SCML4: variants seen among roughly 807,000 people sequenced by gnomAD.
SCML4 encodes sex comb on midleg-like protein 4.
In SCML4, 34 loss-of-function variants were observed where a neutral mutation model predicts 41.1. The observed-to-expected ratio is 0.83, with a 90% CI of 0.63 to 1.10. The LOEUF is 1.10. Among genes scored for constraint, SCML4 ranks in the 50% least tolerant of loss-of-function variants. The pLI is 0.00. For missense variants in SCML4, 522 were observed against 534.1 expected (o/e 0.98, Z 0.22); for synonymous variants, 214 against 220.9 (o/e 0.97, Z 0.28).
chr6:107,786,116 C>G (rs144668143), intron 1 of SCML4, among the ~76,000 whole-genome samples: 1 of 152,182 alleles, frequency 6.6e-6, no homozygotes, highest in African/African-American at 2.4e-5. Flanking sequence ...CTAAGAAAGT[C>G]TTCTGGAATA....
chr6:107,767,366 G>C (rs983502130), intron 2 of SCML4, among the ~76,000 whole-genome samples: 1 of 152,174 alleles, frequency 6.6e-6, no homozygotes, highest in African/African-American at 2.4e-5. Flanking sequence ...CATTTAGAAA[G>C]AGGCTTTAAA....
chr6:107,818,863 A>G (rs989889678), intron 1 of SCML4, among the ~76,000 whole-genome samples: 1 of 152,198 alleles, frequency 6.6e-6, no homozygotes, highest in Non-Finnish European at 1.5e-5. Context: ...GGCAGCTCCA[A>G]GTGTTTCATG....
intron 2 of SCML4, 109 bp downstream of exon 2, chr6:107,772,063 T>C: frequency 3.2e-6 from 3 of 925,970 alleles, no homozygotes; most frequent in Non-Finnish European, 4.7e-6. Flanking sequence ...TTTCTCATCC[T>C]GTCTCTACCA....
intron 1 of SCML4, among the ~76,000 whole-genome samples, chr6:107,775,608 T>G (rs561138788): frequency 6.6e-6 from 1 of 152,354 alleles, no homozygotes; most frequent in African/African-American, 2.4e-5. Context: ...AAAATTTTGC[T>G]AATGTCCTTA....
At chr6:107,764,411 G>A (rs747797824) in intron 2 of SCML4, among the ~76,000 whole-genome samples, 1 of 152,228 alleles carries the variant, frequency 6.6e-6, no homozygotes. Context: ...AGAAGGGGAT[G>A]CTTGGAGGTG....
At chr6:107,724,370 T>C (rs1775745276) in intron 5 of SCML4, among the ~76,000 whole-genome samples, 1 of 152,170 alleles carries the variant, frequency 6.6e-6, no homozygotes, top group African/African-American at 2.4e-5. Context: ...CAACTATCTC[T>C]TATGTGTACG....
At chr6:107,775,768 C>T (rs989271247) in intron 1 of SCML4, among the ~76,000 whole-genome samples, 1 of 152,090 alleles carries the variant, frequency 6.6e-6, no homozygotes, top group African/African-American at 2.4e-5. Flanking sequence ...GATTTGCCCT[C>T]CTAGTTATTA....
intron 2 of SCML4, among the ~76,000 whole-genome samples, chr6:107,758,635 G>A (rs1259597932): frequency 3.3e-5 from 5 of 152,160 alleles, no homozygotes; most frequent in Non-Finnish European, 5.9e-5. Context: ...TACAGGCACA[G>A]ACACCTGTTT....
intron 2 of SCML4, among the ~76,000 whole-genome samples, chr6:107,767,178 G>C (rs1013701061): frequency 1.3e-5 from 2 of 151,852 alleles, no homozygotes; most frequent in Non-Finnish European, 2.9e-5. Flanking sequence ...GGGTGGTCTC[G>C]ATCTCCTGAC....
the SCML4 span, among the ~76,000 whole-genome samples, chr6:107,835,955 C>G: frequency 0.014 from 2,103 of 152,216 alleles, 44 homozygotes; most frequent in African/African-American, 0.048. Flanking sequence ...TATGTCCTGC[C>G]TGAACTTCAT....
At chr6:107,785,894 G>T (rs190185825) in intron 1 of SCML4, among the ~76,000 whole-genome samples, 2 of 152,232 alleles carry the variant, frequency 1.3e-5, no homozygotes, top group East Asian at 3.9e-4. Flanking sequence ...AGAGCCTGGC[G>T]CATACCCTGC....
the SCML4 span, among the ~76,000 whole-genome samples, chr6:107,837,637 A>G: frequency 6.6e-6 from 1 of 152,176 alleles, no homozygotes; most frequent in African/African-American, 2.4e-5. Context: ...ACACCATGAT[A>G]TCCCATCCCT....
chr6:107,781,823 T>C (rs1163902797), intron 1 of SCML4, among the ~76,000 whole-genome samples: 1 of 152,226 alleles, frequency 6.6e-6, no homozygotes, highest in African/African-American at 2.4e-5. Flanking sequence ...CATAAGTATA[T>C]GGAGACCAAG....
At chr6:107,708,537 C>G (rs532137101) in intron 6 of SCML4, among the ~76,000 whole-genome samples, 53 of 152,316 alleles carry the variant, frequency 3.5e-4, no homozygotes, top group African/African-American at 1.3e-3. Flanking sequence ...TTCTTCTCCA[C>G]GGTATCTGCA....
chr6:107,835,434 C>A, the SCML4 span, among the ~76,000 whole-genome samples: 2 of 151,016 alleles, frequency 1.3e-5, no homozygotes, highest in South Asian at 4.2e-4. Flanking sequence ...AAAGAGAATC[C>A]TTGGAATTAA....
intron 5 of SCML4, among the ~76,000 whole-genome samples, chr6:107,730,878 C>A (rs746007725): frequency 2.6e-5 from 4 of 152,202 alleles, no homozygotes; most frequent in Non-Finnish European, 5.9e-5. Context: ...CTGAACTGTG[C>A]CTAAGCCTTC....
At chr6:107,812,245 T>C (rs1319681453) in intron 1 of SCML4, among the ~76,000 whole-genome samples, 1 of 152,178 alleles carries the variant, frequency 6.6e-6, no homozygotes, top group Non-Finnish European at 1.5e-5. Context: ...AAATGAAAGA[T>C]AACCTTCCCA....
intron 6 of SCML4, chr6:107,719,754 G>A (rs887590306): frequency 4.3e-6 from 1 of 234,772 alleles, no homozygotes; most frequent in Non-Finnish European, 7.0e-6. Context: ...AATTTTATAG[G>A]TGAGGAAACT....
chr6:107,706,169 C>A (rs936671112), intron 7 of SCML4, among the ~76,000 whole-genome samples: 1 of 152,138 alleles, frequency 6.6e-6, no homozygotes, highest in Non-Finnish European at 1.5e-5. Flanking sequence ...GATGGAGCAC[C>A]CACTCTGTGT....
Sources: allele counts gnomAD v4.1 joint callset (sites outside exome capture counted in the v4.1 genomes callset), GRCh38; gene constraint gnomAD v4.1.1; transcripts MANE v1.5; gene names NCBI Gene and HGNC (gene_info 2026-07-23, HGNC 2026-07-21).